COPS8: variants seen among roughly 807,000 people sequenced by gnomAD.
The protein encoded by COPS8 is COP9 signalosome complex subunit 8.
A neutral mutation model predicts 31.5 loss-of-function variants in COPS8; 11 were observed. The ratio of observed to expected loss-of-function variants is 0.35; its 90% CI spans 0.22 to 0.58. COPS8 has a LOEUF of 0.58. Ranked by LOEUF, COPS8 falls within the 20% of genes least tolerant of loss-of-function variation. The pLI is 0.83. For synonymous variants in COPS8, 81 were observed against 89.3 expected, an observed-to-expected ratio of 0.91 and a Z score of 0.52; for missense variants, 215 against 255.1, an observed-to-expected ratio of 0.84 and a Z score of 1.07.
chr2:237,093,897 A>AT lies in COPS8; in HGVS notation c.332-186dup, dbSNP rs914258020. Reference sequence around the variant, plus strand: ...ATCCAAGAGGAAGTGTAAGAAATGTATTTTTTTCCAGCAATATTTGAACCC... The same window carrying AT: ...ATCCAAGAGGAAGTGTAAGAAATGTATTTTTTTTCCAGCAATATTTGAACCC... On this transcript the variant is annotated intron_variant, in intron 4 of 7. Transcript: ENST00000354371. 20 of 1,222,472 alleles carry AT rather than the reference A, an allele frequency of 1.6e-5. No homozygotes were observed. The Admixed American group carries it at 3.8e-4, about 23-fold the overall frequency. The allele number at this position is 1,222,472 out of a possible 1,614,324, so 75.7% of individuals were successfully genotyped here.
At chr2:237,088,850 G>A (rs1696661453) in intron 3 of COPS8, among the ~76,000 whole-genome samples, 197 bp downstream of exon 3, 1 of 152,162 alleles carries the variant, frequency 6.6e-6, no homozygotes, top group Non-Finnish European at 1.5e-5. Context: ...TTTCTGCTCA[G>A]TTCCTACTGA....
Position 237,090,114 on chromosome 2 carries a change from G to A in COPS8, c.331+120G>A, listed in dbSNP as rs1169432154. The A allele has an allele frequency of 8.2e-6, 8 of 974,992 alleles. No homozygotes were observed. The East Asian group carries it at 1.8e-4, about 22-fold the overall frequency. The allele number at this position is 974,992 out of a possible 1,614,324, so 60.4% of individuals were successfully genotyped here. A position where few individuals can be genotyped will look rare whatever the true frequency, so the allele number is the denominator to read the frequency against. On this transcript the variant is annotated intron_variant, in intron 4 of 7. Transcript: ENST00000354371. ...TAGATATTTTTGATAGGTGAAAAGA[G>A]CAGTTTTCAGAATTTTTTAGATTTG...
intron 1 of COPS8, 183 bp from the exon 2 acceptor site, chr2:237,086,944 A>G (rs187769369): frequency 2.9e-4 from 138 of 472,848 alleles, no homozygotes; most frequent in Non-Finnish European, 4.2e-4. Context: ...CGTGTTTGAT[A>G]CTTCTCTAAG....
rs551584613 is a variant in COPS8, at chr2:237,099,411, A to G, written c.*1669A>G. ...AAATAATCTCAAGTGATCAAACACA[A>G]TATTTCAATTTTACATTGTCAGTGG... is the stretch of plus-strand genomic sequence containing the variant. On this transcript the variant is annotated 3_prime_UTR_variant, in exon 8 of 8. Coordinates refer to ENST00000354371, the MANE Select transcript of COPS8 (RefSeq NM_006710.5). 14 of 152,314 alleles carry G rather than the reference A, an allele frequency of 9.2e-5. No homozygotes were observed. Among genetic ancestry groups the G allele is most frequent in the South Asian group, 8.3e-4 (4 of 4,824 alleles). 9.4% of individuals were successfully genotyped at this position (152,314 alleles called of 1,614,324 possible).
chr2:237,087,331 A>G (rs944016951), intron 2 of COPS8, 134 bp downstream of exon 2: 4 of 592,402 alleles, frequency 6.8e-6, no homozygotes, highest in East Asian at 2.8e-5. Flanking sequence ...GTTAACGTCT[A>G]TTTCCTATTG....
At position 237,089,364 on chromosome 2, in the gene COPS8, A is replaced by G. The variant is rs182198003; in HGVS notation, c.199-498A>G. Reference sequence around the variant, plus strand: ...TTCCTCAGCTTCTTTGGCTAAATAAAGAAGTACTATAAATCATGCACATAA... The same window carrying G: ...TTCCTCAGCTTCTTTGGCTAAATAAGGAAGTACTATAAATCATGCACATAA... On this transcript the variant is annotated intron_variant, in intron 3 of 7. Transcript: ENST00000354371. Among the ~76,000 whole-genome samples the G allele has an allele frequency of 3.6e-3, 550 of 150,998 alleles. 3 individuals carry two copies. Among genetic ancestry groups the G allele is most frequent in the African/African-American group, 0.013 (525 of 40,324 alleles).
chr2:237,087,069 A>C, intron 1 of COPS8, 58 bp from the exon 2 acceptor site: 1 of 1,106,224 alleles, frequency 9.0e-7, no homozygotes, highest in Non-Finnish European at 1.3e-6. Flanking sequence ...GTTAAAGGGT[A>C]AATGAGGTTT....
chr2:237,088,373 A>T (rs1696655181), intron 2 of COPS8, among the ~76,000 whole-genome samples: 1 of 152,232 alleles, frequency 6.6e-6, no homozygotes, highest in South Asian at 2.1e-4. Context: ...TATTATTTTT[A>T]AAAAATTCAC....
At chr2:237,086,485 G>A (rs1559297810) in intron 1 of COPS8, among the ~76,000 whole-genome samples, 1 of 151,944 alleles carries the variant, frequency 6.6e-6, no homozygotes, top group South Asian at 2.1e-4. Flanking sequence ...AGCCTTTCTC[G>A]TAATGTTGTC....
chr2:237,097,649 T>C lies in COPS8; in HGVS notation c.551-14T>C, dbSNP rs1373724727. On this transcript the variant is annotated splice_polypyrimidine_tract_variant and intron_variant, in intron 7 of 7. Coordinates refer to ENST00000354371, the MANE Select transcript of COPS8 (RefSeq NM_006710.5). Reference sequence around the variant, plus strand: ...GTATGTAACATGAAGTGTGTTTGTTTCTTTAACATACAGAGCCTGCTCCAG... The same window carrying C: ...GTATGTAACATGAAGTGTGTTTGTTCCTTTAACATACAGAGCCTGCTCCAG... 6.2e-7 allele frequency: 1 copy of C among 1,602,640 alleles called. No individual in the cohort carries two copies. Among genetic ancestry groups the C allele is most frequent in the Non-Finnish European group, 8.5e-7 (1 of 1,170,228 alleles).
chr2:237,086,480 T>C (rs560205661), intron 1 of COPS8, among the ~76,000 whole-genome samples: 23 of 152,242 alleles, frequency 1.5e-4, no homozygotes, highest in Admixed American at 5.2e-4. Flanking sequence ...CACAAAGCCT[T>C]TCTCGTAATG....
Position 237,085,916 on chromosome 2 carries a change from T to G in COPS8, c.-49T>G, listed in dbSNP as rs545074927. The G allele has an allele frequency of 2.3e-4, 356 of 1,571,278 alleles. No homozygotes were observed. Among genetic ancestry groups the G allele is most frequent in the Admixed American group, 4.7e-4 (27 of 57,420 alleles). ...CGCGGGCGCGACGCCTGAGGGACAG[T>G]CTGGGGTTTGGCTGTCCGGACGGTG... On this transcript the variant is annotated 5_prime_UTR_variant, in exon 1 of 8. Coordinates refer to ENST00000354371, the MANE Select transcript of COPS8 (RefSeq NM_006710.5).
At chr2:237,088,262 A>G (rs1200278740) in intron 2 of COPS8, among the ~76,000 whole-genome samples, 1 of 152,214 alleles carries the variant, frequency 6.6e-6, no homozygotes, top group East Asian at 1.9e-4. Flanking sequence ...CAGCCTTGAT[A>G]GTACATAAAT....
Position 237,085,954 on chromosome 2 carries a change from C to G in COPS8, c.-11C>G, listed in dbSNP as rs201704514. The G allele has an allele frequency of 3.1e-6, 5 of 1,611,760 alleles. No individual in the cohort carries two copies. The highest frequency in any genetic ancestry group is 1.3e-5 in the African/African-American group (1 of 74,910). On this transcript the variant is annotated 5_prime_UTR_variant, in exon 1 of 8. Coordinates refer to ENST00000354371, the MANE Select transcript of COPS8 (RefSeq NM_006710.5). ...TGTCCGGACGGTGCAGCGGCGAGGC[C>G]GGCCGCGAAGATGCCAGTGGCGGTG... is the stretch of plus-strand genomic sequence containing the variant.
intron 3 of COPS8, among the ~76,000 whole-genome samples, chr2:237,089,197 A>G (rs1211048843): frequency 1.3e-5 from 2 of 152,194 alleles, no homozygotes; most frequent in Non-Finnish European, 2.9e-5. Flanking sequence ...ATGAGTGTCA[A>G]GTGAAATTTT....
rs749687941 is a variant in COPS8, at chr2:237,095,927, T to G, written c.502+43T>G. 3.0e-6 allele frequency: 4 copies of G among 1,339,080 alleles called. No homozygotes were observed. In the Admixed American group the frequency reaches 6.9e-5, roughly 23 times the overall value. The allele number at this position is 1,339,080 out of a possible 1,614,324, so 82.9% of individuals were successfully genotyped here. ...CCATTTACGCAGCACTGGACTCTTC[T>G]AAGACTGCTTCAGGTTTTCAGTCTT... On this transcript the variant is annotated intron_variant, in intron 6 of 7. Coordinates refer to ENST00000354371, the MANE Select transcript of COPS8 (RefSeq NM_006710.5).
At chr2:237,091,942 C>G (rs1696712165) in intron 4 of COPS8, among the ~76,000 whole-genome samples, 1 of 152,188 alleles carries the variant, frequency 6.6e-6, no homozygotes, top group Admixed American at 6.5e-5. Flanking sequence ...AGCTCAGGTG[C>G]AACAGGCATT....
Position 237,095,827 on chromosome 2 carries a change from T to G in COPS8, c.445T>G (p.Leu149Val). Residue 149 changes from leucine to valine, a missense_variant, in exon 6 of 8, where the codon TTA becomes GTA. Physicochemically the swap from Leu to Val is conservative, Grantham distance 32. Coordinates refer to ENST00000354371, the MANE Select transcript of COPS8 (RefSeq NM_006710.5). The stretch of plus-strand genomic sequence containing the variant: ...TGTGTAATATACTTTTTTAGGCATA[T>G]TAGAACAAGGATGGCAAGCTGATTC... Reference protein sequence around the residue: ...LPVEEAVKGILEQGWQADSTT... With the variant: ...LPVEEAVKGIVEQGWQADSTT... 6.2e-7 allele frequency: 1 copy of G among 1,610,672 alleles called. No homozygotes were observed. Among genetic ancestry groups the G allele is most frequent in the Non-Finnish European group, 8.5e-7 (1 of 1,176,904 alleles).
chr2:237,095,701 G>T, intron 5 of COPS8, 121 bp from the exon 6 acceptor site: 1 of 630,624 alleles, frequency 1.6e-6, no homozygotes, highest in Non-Finnish European at 2.9e-6. Flanking sequence ...TAGTAAAAAT[G>T]CATATGACGG....
Sources: allele counts gnomAD v4.1 joint callset (sites outside exome capture counted in the v4.1 genomes callset), GRCh38; gene constraint gnomAD v4.1.1; transcripts MANE v1.5; gene names NCBI Gene and HGNC (gene_info 2026-07-23, HGNC 2026-07-21).